The following DPP10 variants were observed in gnomAD, a reference collection of about 807,000 sequenced individuals.
DPP10 encodes the protein inactive dipeptidyl peptidase 10.
DPP10 carries 33 observed loss-of-function variants against 120.9 expected under a neutral mutation model. The observed-to-expected ratio is 0.27, with a 90% confidence interval of 0.21 to 0.37. DPP10 has a LOEUF of 0.37. Among genes scored for constraint, DPP10 ranks in the 10% least tolerant of loss-of-function variants. DPP10 has a pLI of 1.00. For synonymous variants in DPP10, 337 were observed against 326.1 expected (o/e 1.03, Z -0.36); for missense variants, 816 against 942.8 (o/e 0.87, Z 1.76).
intron 1 of DPP10, among the ~76,000 whole-genome samples, chr2:114,679,056 C>T (rs531070621): frequency 6.6e-6 from 1 of 152,154 alleles, no homozygotes; most frequent in Non-Finnish European, 1.5e-5. Flanking sequence ...GAGCAGTCGC[C>T]ATTCCAATAT....
At chr2:114,610,350 A>T (rs1023591173) in intron 1 of DPP10, among the ~76,000 whole-genome samples, 4 of 152,096 alleles carry the variant, frequency 2.6e-5, no homozygotes, top group Non-Finnish European at 4.4e-5. Flanking sequence ...GACCTTTTTA[A>T]CCTAGGGGAA....
At chr2:114,925,107 A>C (rs1319227988) in intron 1 of DPP10, among the ~76,000 whole-genome samples, 1 of 150,622 alleles carries the variant, frequency 6.6e-6, no homozygotes, top group Non-Finnish European at 1.5e-5. Context: ...GCTACTCGGC[A>C]GGCTGAGGCA....
chr2:115,326,599 A>G (rs939786425), intron 2 of DPP10, among the ~76,000 whole-genome samples: 1 of 151,996 alleles, frequency 6.6e-6, no homozygotes, highest in Non-Finnish European at 1.5e-5. Context: ...CATGCACCTT[A>G]TTTACCCTGA....
chr2:114,937,700 T>C (rs866140848), intron 1 of DPP10, among the ~76,000 whole-genome samples: 11 of 152,192 alleles, frequency 7.2e-5, no homozygotes, highest in Admixed American at 5.2e-4. Flanking sequence ...CAGGAAGATC[T>C]GGGCTGGTTC....
At chr2:114,620,062 C>T (rs1456346799) in intron 1 of DPP10, among the ~76,000 whole-genome samples, 1 of 151,920 alleles carries the variant, frequency 6.6e-6, no homozygotes, top group Non-Finnish European at 1.5e-5. Context: ...CCTTCTACAA[C>T]TTATTATGTT....
intron 1 of DPP10, among the ~76,000 whole-genome samples, chr2:114,899,307 T>C (rs1157198467): frequency 3.9e-5 from 6 of 151,924 alleles, no homozygotes; most frequent in Non-Finnish European, 7.4e-5. Context: ...TATTGGGAAA[T>C]AAAATAGACA....
intron 5 of DPP10, among the ~76,000 whole-genome samples, chr2:115,557,166 T>C (rs1012218988): frequency 6.6e-6 from 1 of 151,716 alleles, no homozygotes; most frequent in Non-Finnish European, 1.5e-5. Flanking sequence ...TCTCTCTCCC[T>C]CTCTCTCTCT....
intron 1 of DPP10, among the ~76,000 whole-genome samples, chr2:114,527,506 T>C (rs905395751): frequency 1.3e-5 from 2 of 152,196 alleles, no homozygotes; most frequent in African/African-American, 4.8e-5. Flanking sequence ...GAAGTTACTG[T>C]ATCTAGTTTG....
intron 1 of DPP10, among the ~76,000 whole-genome samples, chr2:114,494,061 A>G (rs1682245195): frequency 7.0e-6 from 1 of 142,052 alleles, no homozygotes; most frequent in Non-Finnish European, 1.5e-5. Flanking sequence ...TGCTGCAAGA[A>G]TTTAGAGACA....
chr2:114,518,856 C>T (rs900609778), intron 1 of DPP10, among the ~76,000 whole-genome samples: 1 of 152,224 alleles, frequency 6.6e-6, no homozygotes, highest in Non-Finnish European at 1.5e-5. Context: ...CCAGTCAGCT[C>T]AGCTTTTCAA....
At chr2:115,504,622 G>T (rs188183628) in intron 4 of DPP10, among the ~76,000 whole-genome samples, 13 of 152,074 alleles carry the variant, frequency 8.5e-5, no homozygotes, top group Non-Finnish European at 1.6e-4. Flanking sequence ...CATCAAAATA[G>T]GATGTAACAT....
intron 13 of DPP10, among the ~76,000 whole-genome samples, chr2:115,775,149 T>C (rs749401068): frequency 6.6e-6 from 1 of 152,022 alleles, no homozygotes; most frequent in Non-Finnish European, 1.5e-5. Context: ...TTTATATGCA[T>C]ATATGAAATT....
chr2:114,445,125 A>G (rs917987131), intron 1 of DPP10, among the ~76,000 whole-genome samples: 3 of 152,014 alleles, frequency 2.0e-5, no homozygotes, highest in African/African-American at 7.3e-5. Flanking sequence ...AGCTCAAAAT[A>G]CTCTTTGAAC....
At chr2:115,820,699 T>A (rs1247136986) in intron 21 of DPP10, among the ~76,000 whole-genome samples, 1 of 152,152 alleles carries the variant, frequency 6.6e-6, no homozygotes, top group African/African-American at 2.4e-5. Context: ...TTTCCATTCC[T>A]GAGTTACTCC....
intron 1 of DPP10, among the ~76,000 whole-genome samples, chr2:114,784,256 A>G (rs546269804): frequency 6.6e-6 from 1 of 152,236 alleles, no homozygotes; most frequent in African/African-American, 2.4e-5. Context: ...CTTTATAGAT[A>G]AAGTTCAGAG....
intron 5 of DPP10, among the ~76,000 whole-genome samples, chr2:115,633,905 T>A (rs1239563864): frequency 6.6e-6 from 1 of 152,178 alleles, no homozygotes; most frequent in Admixed American, 6.5e-5. Context: ...TCTGCCTGTC[T>A]CTTTCAGCTA....
chr2:115,765,790 C>G (rs1680635951), intron 12 of DPP10, among the ~76,000 whole-genome samples: 1 of 152,142 alleles, frequency 6.6e-6, no homozygotes. Context: ...AAGTGATTCA[C>G]TCAGTCAAGT....
chr2:115,047,499 A>T (rs1461460624), intron 1 of DPP10, among the ~76,000 whole-genome samples: 1 of 152,028 alleles, frequency 6.6e-6, no homozygotes, highest in Admixed American at 6.6e-5. Context: ...AATTATTTCC[A>T]ATTATATTTT....
At chr2:115,787,323 C>T (rs1683454912) in intron 17 of DPP10, among the ~76,000 whole-genome samples, 1 of 152,078 alleles carries the variant, frequency 6.6e-6, no homozygotes, top group Non-Finnish European at 1.5e-5. Context: ...TGATGGAAAT[C>T]ACTGGCAAAT....
Sources: allele counts gnomAD v4.1 joint callset (sites outside exome capture counted in the v4.1 genomes callset), GRCh38; gene constraint gnomAD v4.1.1; transcripts MANE v1.5; gene names NCBI Gene and HGNC (gene_info 2026-07-23, HGNC 2026-07-21).